The following EMSY variants were observed in gnomAD, a reference collection of about 807,000 sequenced individuals.
The protein encoded by EMSY is EMSY transcriptional repressor, BRCA2 interacting, also known as BRCA2-interacting transcriptional repressor EMSY.
EMSY carries 26 observed loss-of-function variants against 134.6 expected under a neutral mutation model. That is an observed-to-expected ratio of 0.19 (90% CI 0.14 to 0.27). The LOEUF is 0.27. Among genes scored for constraint, EMSY ranks in the 10% least tolerant of loss-of-function variants. EMSY has a pLI of 1.00. For missense variants in EMSY, 1,305 were observed against 1,611.4 expected (o/e 0.81, Z 3.26); for synonymous variants, 579 against 577.8 (o/e 1.00, Z -0.03).
At chr11:76,446,335 GTA>G (rs1565263091) in intron 1 of EMSY, among the ~76,000 whole-genome samples, 12 of 53,074 alleles carry the variant, frequency 2.3e-4, no homozygotes, top group African/African-American at 4.5e-4. Flanking sequence ...ATATATATAT[GTA>G]TATATATATG....
intron 3 of EMSY, 32 bp from the exon 4 acceptor site, chr11:76,453,282 C>T (rs1324284163): frequency 1.9e-6 from 3 of 1,597,342 alleles, no homozygotes; most frequent in Non-Finnish European, 2.6e-6. Context: ...GCCTGCTTGG[C>T]AGAGTTCTAT....
Position 76,452,498 on chromosome 11 carries a change from AATTTGT to A in EMSY, c.170+548_170+553del, listed in dbSNP as rs1321415964. Among the ~76,000 whole-genome samples, 10 of 152,264 alleles carry A rather than the reference AATTTGT, an allele frequency of 6.6e-5. No individual in the cohort carries two copies. In the East Asian group the frequency reaches 1.9e-3, roughly 29 times the overall value. On this transcript the variant is annotated intron_variant, in intron 3 of 20. Coordinates refer to ENST00000334736, the Ensembl canonical transcript of EMSY. The stretch of plus-strand genomic sequence containing the variant: ...CAATCTTACTGTCTTCATAGTTAAC[AATTTGT>A]ATTTGTTTGTTGTTTATATTTCTCA...
At chr11:76,506,779 A>G (rs915296580) in intron 9 of EMSY, among the ~76,000 whole-genome samples, 3 of 152,202 alleles carry the variant, frequency 2.0e-5, no homozygotes, top group Admixed American at 1.3e-4. Flanking sequence ...AATAAATCGA[A>G]AATCCCGATA....
chr11:76,503,194 G>A (rs1388609791), intron 9 of EMSY, among the ~76,000 whole-genome samples: 2 of 151,372 alleles, frequency 1.3e-5, no homozygotes, highest in East Asian at 1.9e-4. Flanking sequence ...CCAGCTACTC[G>A]GGAGGCTGAG....
chr11:76,454,865 G>A, intron 4 of EMSY, 75 bp downstream of exon 5: 1 of 1,093,992 alleles, frequency 9.1e-7, no homozygotes, highest in Non-Finnish European at 1.3e-6. Flanking sequence ...AATTATTCAG[G>A]GGCACATTAT....
rs757237301 is a variant in EMSY at position 76,521,765 on chromosome 11, TA to T, written c.1685-1372del. On this transcript the variant is annotated intron_variant, in intron 11 of 20. Transcript: ENST00000334736. ...TAACAGAGTGAGACCCTGTTTCTCT[TA>T]AAAAAAAAAAAAAAAAAGTCCAGGC... Among the ~76,000 whole-genome samples the T allele has an allele frequency of 8.5e-3, 1,080 of 126,938 alleles. 7 individuals carry two copies. Among genetic ancestry groups the T allele is most frequent in the Middle Eastern group, 0.015 (4 of 264 alleles). 83.3% of individuals were successfully genotyped at this position (126,938 alleles called of 152,430 possible). A position where few individuals can be genotyped will look rare whatever the true frequency, so the allele number is the denominator to read the frequency against.
intron 4 of EMSY, 41 bp downstream of exon 4, chr11:76,453,429 A>T (rs1259071244): frequency 3.2e-6 from 5 of 1,556,904 alleles, no homozygotes; most frequent in Non-Finnish European, 3.5e-6. Flanking sequence ...TTTATGACAT[A>T]GTATAACACA....
intron 8 of EMSY, among the ~76,000 whole-genome samples, chr11:76,483,320 T>A (rs1212930982): frequency 6.6e-6 from 1 of 152,032 alleles, no homozygotes; most frequent in Non-Finnish European, 1.5e-5. Flanking sequence ...TAAAGACCAT[T>A]GACACTATGA....
intron 8 of EMSY, among the ~76,000 whole-genome samples, chr11:76,494,672 T>A (rs1332277603): frequency 3.6e-5 from 1 of 27,604 alleles, no homozygotes; most frequent in Non-Finnish European, 7.9e-5. Flanking sequence ...CCTTCCTTCC[T>A]TCCTTCCTTC....
chr11:76,462,226 G>C (rs1269595642), intron 6 of EMSY, among the ~76,000 whole-genome samples: 2 of 152,202 alleles, frequency 1.3e-5, no homozygotes, highest in African/African-American at 4.8e-5. Flanking sequence ...GCAACAGTGT[G>C]AGACTCCATC....
At chr11:76,546,939 C>T (rs1951675715) in intron 20 of EMSY, 1 of 360,548 alleles carries the variant, frequency 2.8e-6, no homozygotes, top group Non-Finnish European at 5.4e-6. Flanking sequence ...TAAGTACAGG[C>T]TAATTAACAC....
At chr11:76,472,214 G>A (rs969396301) in intron 7 of EMSY, among the ~76,000 whole-genome samples, 3 of 152,156 alleles carry the variant, frequency 2.0e-5, no homozygotes, top group Non-Finnish European at 4.4e-5. Flanking sequence ...CTGGCACATA[G>A]TAGGTGCTCA....
chr11:76,450,279 G>A lies in EMSY; in HGVS notation c.71-1579G>A, dbSNP rs547903893. On this transcript the variant is annotated intron_variant, in intron 2 of 20. Coordinates refer to ENST00000334736, the Ensembl canonical transcript of EMSY. ...ACATTTAGAGTATACTGCATTCTTG[G>A]TTATCCCTAATGCTTTTTCTGGACT... is the stretch of plus-strand genomic sequence containing the variant. Among the ~76,000 whole-genome samples, 7 of 152,060 alleles carry A rather than the reference G, an allele frequency of 4.6e-5. No individual in the cohort carries two copies. In the South Asian group the frequency reaches 1.2e-3, roughly 27 times the overall value.
At chr11:76,500,413 A>G (rs1421823048) in intron 9 of EMSY, among the ~76,000 whole-genome samples, 1 of 152,206 alleles carries the variant, frequency 6.6e-6, no homozygotes, top group Non-Finnish European at 1.5e-5. Context: ...ACAGTGAAGG[A>G]AGTGGTGAAA....
intron 20 of EMSY, among the ~76,000 whole-genome samples, chr11:76,548,198 T>C (rs573960518): frequency 6.6e-6 from 1 of 152,334 alleles, no homozygotes; most frequent in South Asian, 2.1e-4. Context: ...AATATATTGT[T>C]AGAGCATTTT....
intron 9 of EMSY, among the ~76,000 whole-genome samples, chr11:76,510,307 A>G (rs1318528538): frequency 6.6e-6 from 1 of 152,240 alleles, no homozygotes; most frequent in Non-Finnish European, 1.5e-5. Context: ...CCATGATCAC[A>G]CCATTGCACT....
At chr11:76,491,203 AG>A (rs1949411386) in intron 8 of EMSY, among the ~76,000 whole-genome samples, 1 of 132,848 alleles carries the variant, frequency 7.5e-6, no homozygotes, top group African/African-American at 2.8e-5. Flanking sequence ...TTTAAGAGAT[AG>A]GGGTCTTACT....
At chr11:76,488,476 C>CA (rs1949281142) in intron 8 of EMSY, among the ~76,000 whole-genome samples, 1 of 151,414 alleles carries the variant, frequency 6.6e-6, no homozygotes. Context: ...AAAACAAAAA[C>CA]AAAGTTTAAT....
intron 8 of EMSY, among the ~76,000 whole-genome samples, chr11:76,479,145 A>T (rs1045309974): frequency 6.6e-6 from 1 of 152,214 alleles, no homozygotes; most frequent in African/African-American, 2.4e-5. Flanking sequence ...AGAAAAATTG[A>T]GTAGCATACT....
Sources: allele counts gnomAD v4.1 joint callset (sites outside exome capture counted in the v4.1 genomes callset), GRCh38; gene constraint gnomAD v4.1.1; transcripts MANE v1.5; gene names NCBI Gene and HGNC (gene_info 2026-07-23, HGNC 2026-07-21).